The following RPTOR variants were observed in gnomAD, a reference collection of about 807,000 sequenced individuals.
The protein encoded by RPTOR is regulatory-associated protein of mTOR.
A neutral mutation model predicts 169.9 loss-of-function variants in RPTOR; 21 were observed. The ratio of observed to expected loss-of-function variants is 0.12; its 90% CI spans 0.09 to 0.18. The LOEUF is 0.18. Among genes scored for constraint, RPTOR ranks in the 10% least tolerant of loss-of-function variants. The probability of loss-of-function intolerance (pLI) is 1.00; values close to 1 mark genes in which losing one functional copy is unlikely to be tolerated. For missense variants in RPTOR, 1,133 were observed against 1,855.9 expected (o/e 0.61, Z 7.16); for synonymous variants, 732 against 753.2 (o/e 0.97, Z 0.46).
chr17:80,785,604 G>A (rs1453275969), intron 6 of RPTOR, among the ~76,000 whole-genome samples: 1 of 152,172 alleles, frequency 6.6e-6, no homozygotes, highest in Admixed American at 6.5e-5. Flanking sequence ...GGTTTCAAGT[G>A]GCAGCAGGCA....
intron 11 of RPTOR, among the ~76,000 whole-genome samples, chr17:80,850,165 C>T (rs917763114): frequency 1.3e-5 from 2 of 152,208 alleles, no homozygotes; most frequent in Non-Finnish European, 2.9e-5. Flanking sequence ...CTGCTACCCA[C>T]ATAGTGGGCA....
intron 6 of RPTOR, chr17:80,773,935 G>C: frequency 9.1e-6 from 9 of 984,556 alleles, no homozygotes; most frequent in Non-Finnish European, 1.1e-5. Context: ...AGGGCTATGC[G>C]GCCTGCCCTG....
At chr17:80,724,913 C>T (rs1455140842) in intron 4 of RPTOR, among the ~76,000 whole-genome samples, 4 of 152,242 alleles carry the variant, frequency 2.6e-5, no homozygotes, top group Admixed American at 2.6e-4. Context: ...TGCAAACTTG[C>T]TGAGGCCAGG....
chr17:80,700,721 G>A (rs1194347659), intron 3 of RPTOR, among the ~76,000 whole-genome samples: 23 of 65,884 alleles, frequency 3.5e-4, no homozygotes, highest in Non-Finnish European at 3.9e-4. Context: ...GGTGGTGGTG[G>A]TGGTGGTGAT....
chr17:80,694,153 A>G (rs563897274), intron 3 of RPTOR, among the ~76,000 whole-genome samples: 1 of 152,372 alleles, frequency 6.6e-6, no homozygotes, highest in South Asian at 2.1e-4. Flanking sequence ...CCACTGCTGC[A>G]GCCTCAGGTG....
chr17:80,598,348 AGTG>A (rs1474675443), intron 1 of RPTOR, among the ~76,000 whole-genome samples: 1 of 152,162 alleles, frequency 6.6e-6, no homozygotes, highest in Non-Finnish European at 1.5e-5. Context: ...ATTTAATAGA[AGTG>A]GTGGGGTGTG....
chr17:80,750,118 C>G lies in RPTOR; in HGVS notation c.655-3892C>G, dbSNP rs142890561. On this transcript the variant is annotated intron_variant, in intron 5 of 33. Coordinates refer to ENST00000306801, the MANE Select transcript of RPTOR (RefSeq NM_020761.3). Reference sequence around the variant, plus strand: ...CCTCCCACCTCAGCCTCCCAAAGTGCTGGTATTACAGATGTGAGCCACCAC... The same window carrying G: ...CCTCCCACCTCAGCCTCCCAAAGTGGTGGTATTACAGATGTGAGCCACCAC... 3.7e-4 allele frequency among the ~76,000 whole-genome samples: 57 copies of G among 152,260 alleles called. 1 individual carries two copies. The highest frequency in any genetic ancestry group is 1.3e-3 in the African/African-American group (54 of 41,528).
At chr17:80,553,325 G>C (rs140049606) in intron 1 of RPTOR, among the ~76,000 whole-genome samples, 2 of 152,176 alleles carry the variant, frequency 1.3e-5, no homozygotes, top group Admixed American at 1.3e-4. Context: ...AGGAATCACC[G>C]ACAGGCCGCC....
In RPTOR at chr17:80,880,551, G is replaced by A. The variant is rs117841134; in HGVS notation, c.1584+62G>A. 2.3e-3 allele frequency: 3,382 copies of A among 1,465,918 alleles called. 4 individuals are homozygous for A. The highest frequency in any genetic ancestry group is 2.4e-3 in the Non-Finnish European group (2,557 of 1,047,814). 90.8% of individuals were successfully genotyped at this position (1,465,918 alleles called of 1,614,324 possible). ...ACTCAGCACTCGCCTCTGCCCACAC[G>A]CTGCACTGCGGTGGGGCCTTTTGAC... On this transcript the variant is annotated intron_variant, in intron 14 of 33. Transcript: ENST00000306801.
chr17:80,904,147 A>C (rs1173455506), intron 20 of RPTOR, among the ~76,000 whole-genome samples: 1 of 152,072 alleles, frequency 6.6e-6, no homozygotes, highest in Non-Finnish European at 1.5e-5. Context: ...GCCCAGGAGG[A>C]GGGAGGGCGG....
In RPTOR at chr17:80,651,504, G is replaced by T. The variant is rs774670906; in HGVS notation, c.348+7694G>T. ...GTACAGCTCCCTCCCAAATGTCCGC[G>T]ATTTACTTGTTGGTATGACACATAA... On this transcript the variant is annotated intron_variant, in intron 3 of 33. Transcript: ENST00000306801. The surrounding 1 kb of genome is among the most constrained non-coding windows in gnomAD (Gnocchi z 4.1). Among the ~76,000 whole-genome samples, 1 of 151,670 alleles carries T rather than the reference G, an allele frequency of 6.6e-6. No homozygotes were observed. Among genetic ancestry groups the T allele is most frequent in the Non-Finnish European group, 1.5e-5 (1 of 67,992 alleles).
intron 21 of RPTOR, among the ~76,000 whole-genome samples, chr17:80,918,548 A>ACGGGGGTCATAGCCACGAGCACCCTCG (rs2068707772): frequency 2.3e-5 from 1 of 44,318 alleles, no homozygotes; most frequent in Non-Finnish European, 5.7e-5. Context: ...GAGCACCCTC[A>ACGGGGGTCATAGCCACGAGCACCCTCG]CGGGGGTCAT....
intron 6 of RPTOR, among the ~76,000 whole-genome samples, chr17:80,767,332 C>G (rs1359728838): frequency 6.6e-6 from 1 of 152,156 alleles, no homozygotes; most frequent in East Asian, 1.9e-4. Context: ...GATCACGTCA[C>G]TGTGGTCCAG....
chr17:80,588,017 TGTG>T (rs2065076147), intron 1 of RPTOR, among the ~76,000 whole-genome samples: 4 of 152,180 alleles, frequency 2.6e-5, no homozygotes. Flanking sequence ...AGTGACATCA[TGTG>T]GTGTTTGTCC....
intron 23 of RPTOR, chr17:80,923,875 T>C (rs1324810675): frequency 1.7e-6 from 1 of 582,070 alleles, no homozygotes; most frequent in African/African-American, 2.1e-5. Flanking sequence ...CCTGCACTCC[T>C]TAGGAGCACT....
At chr17:80,725,570 G>A (rs2066325075) in intron 4 of RPTOR, among the ~76,000 whole-genome samples, 1 of 152,160 alleles carries the variant, frequency 6.6e-6, no homozygotes, top group Non-Finnish European at 1.5e-5. Flanking sequence ...GATGACAGAG[G>A]AATATTCCAC....
At chr17:80,953,006 A>G (rs1187304967) in intron 28 of RPTOR, among the ~76,000 whole-genome samples, 1 of 151,550 alleles carries the variant, frequency 6.6e-6, no homozygotes, top group East Asian at 1.9e-4. Context: ...CTGGGACTAG[A>G]GGGTCGCACC....
intron 1 of RPTOR, among the ~76,000 whole-genome samples, chr17:80,607,372 G>A (rs2065236778): frequency 6.6e-6 from 1 of 152,184 alleles, no homozygotes; most frequent in South Asian, 2.1e-4. Context: ...GGATCATTTA[G>A]TGGTTTTAAT....
chr17:80,660,589 A>C (rs1171327282), intron 3 of RPTOR, among the ~76,000 whole-genome samples: 1 of 152,006 alleles, frequency 6.6e-6, no homozygotes, highest in Non-Finnish European at 1.5e-5. Context: ...CCAGAGCCCC[A>C]TTCACCACCC....
Sources: gnomAD v4.1 joint callset for allele counts (sites outside exome capture counted in the v4.1 genomes callset) on GRCh38, gnomAD v4.1.1 for gene constraint, Gnocchi (gnomAD v3.1) non-coding constraint, MANE v1.5 for transcripts, NCBI Gene and HGNC (gene_info 2026-07-23, HGNC 2026-07-21) for gene names.